RFC3: variants seen among roughly 807,000 people sequenced by gnomAD.
RFC3 encodes replication factor C subunit 3.
In RFC3, 41 loss-of-function variants were observed where a neutral mutation model predicts 45.1. The observed-to-expected ratio is 0.91, with a 90% confidence interval of 0.71 to 1.18. RFC3 has a LOEUF of 1.18. Among genes scored for constraint, RFC3 ranks in the 50% most tolerant of loss-of-function variants. The probability of loss-of-function intolerance (pLI) is 0.00; values close to 1 mark genes in which losing one functional copy is unlikely to be tolerated. For missense variants in RFC3, 423 were observed against 428.1 expected, an observed-to-expected ratio of 0.99 and a Z score of 0.10; for synonymous variants, 149 against 144.0, an observed-to-expected ratio of 1.03 and a Z score of -0.25.
At chr13:33,898,425 A>G (rs2082615627) in intron 8 of RFC3, among the ~76,000 whole-genome samples, 1 of 152,024 alleles carries the variant, frequency 6.6e-6, no homozygotes, top group African/African-American at 2.4e-5. Context: ...CAATAAAGAA[A>G]TTAAGAAGGA....
At chr13:33,831,467 G>A (rs2082103448) in intron 7 of RFC3, 113 bp downstream of exon 7, 3 of 594,858 alleles carry the variant, frequency 5.0e-6, no homozygotes, top group African/African-American at 4.1e-5. Context: ...CTGAATCTAT[G>A]TATTAACTTT....
intron 8 of RFC3, among the ~76,000 whole-genome samples, chr13:33,869,898 G>A (rs1254337834): frequency 6.6e-6 from 1 of 152,188 alleles, no homozygotes; most frequent in African/African-American, 2.4e-5. Context: ...TGAGCAAGTT[G>A]AGCAAGATGG....
chr13:33,939,067 A>G (rs1326248447), intron 8 of RFC3, among the ~76,000 whole-genome samples: 3 of 152,128 alleles, frequency 2.0e-5, no homozygotes, highest in Non-Finnish European at 4.4e-5. Context: ...GATCCTCAAC[A>G]TGAAGGGCAT....
At chr13:33,834,474 C>T (rs2082135168) in intron 7 of RFC3, among the ~76,000 whole-genome samples, 1 of 150,058 alleles carries the variant, frequency 6.7e-6, no homozygotes. Context: ...TGAGAAGGGC[C>T]TAGAATGAAG....
intron 8 of RFC3, among the ~76,000 whole-genome samples, chr13:33,886,824 C>A (rs927783541): frequency 7.0e-6 from 1 of 142,232 alleles, no homozygotes; most frequent in African/African-American, 2.6e-5. Context: ...GTGATGTTCC[C>A]CTTCCTGTGT....
chr13:33,824,531 G>A (rs1252061264), intron 3 of RFC3, among the ~76,000 whole-genome samples: 1 of 152,116 alleles, frequency 6.6e-6, no homozygotes, highest in East Asian at 1.9e-4. Flanking sequence ...GTGTAGAAAT[G>A]ATTCTGGGAG....
intron 8 of RFC3, among the ~76,000 whole-genome samples, chr13:33,929,935 A>C (rs754107694): frequency 3.9e-5 from 6 of 152,132 alleles, no homozygotes; most frequent in Non-Finnish European, 7.4e-5. Flanking sequence ...AGCATTTTAA[A>C]GTTCTTAATG....
In RFC3 at chr13:33,925,594, A is replaced by G. The variant is rs139163520; in HGVS notation, c.880-40493A>G. On this transcript the variant is annotated intron_variant, in intron 8 of 8. Transcript: ENST00000434425. ...TATATACATACATATATAGTGTACT[A>G]TATACATACATATATAGTGTACTAT... Among the ~76,000 whole-genome samples the G allele has an allele frequency of 2.2e-3, 336 of 150,544 alleles. 20 individuals carry two copies. In the East Asian group the frequency reaches 0.059, roughly 26 times the overall value.
rs150692677 is a variant in RFC3, at chr13:33,864,512, C to T, written c.879+29295C>T. 5.9e-5 allele frequency among the ~76,000 whole-genome samples: 9 copies of T among 152,100 alleles called. No homozygotes were observed. The East Asian group carries it at 1.7e-3, about 29-fold the overall frequency. On this transcript the variant is annotated intron_variant, in intron 8 of 8. Coordinates refer to the RFC3 transcript ENST00000434425. ...GAATTGGAAGATGGAATAGCATGAA[C>T]AGTGATGCTGAAGTGAGCTCATGAA... is the stretch of plus-strand genomic sequence containing the variant.
intron 8 of RFC3, among the ~76,000 whole-genome samples, chr13:33,867,863 T>G (rs2082383786): frequency 6.6e-6 from 1 of 152,234 alleles, no homozygotes; most frequent in South Asian, 2.1e-4. Flanking sequence ...CATTGGTATA[T>G]TTTGACTAAT....
At chr13:33,859,897 A>C (rs1281273333) in intron 8 of RFC3, among the ~76,000 whole-genome samples, 3 of 152,178 alleles carry the variant, frequency 2.0e-5, no homozygotes. Flanking sequence ...AACCACCAAT[A>C]TGAATATGAC....
chr13:33,820,015 T>C (rs1272519952), intron 1 of RFC3, among the ~76,000 whole-genome samples: 29 of 152,202 alleles, frequency 1.9e-4, no homozygotes, highest in Admixed American at 1.9e-3. Context: ...AGTATTAAAA[T>C]TCATTGCAAT....
chr13:33,857,154 A>G (rs1275662437), intron 8 of RFC3, among the ~76,000 whole-genome samples: 1 of 152,242 alleles, frequency 6.6e-6, no homozygotes, highest in East Asian at 1.9e-4. Flanking sequence ...GAATTTAATA[A>G]TAGCAAGGAA....
chr13:33,854,201 A>G (rs2082294842), intron 8 of RFC3, among the ~76,000 whole-genome samples: 1 of 152,202 alleles, frequency 6.6e-6, no homozygotes, highest in Admixed American at 6.6e-5. Flanking sequence ...AACGGTGAAC[A>G]GAGAGCTTGT....
At chr13:33,970,737 T>C (rs867469302), downstream of RFC3, among the ~76,000 whole-genome samples, 13 of 152,368 alleles carry the variant, frequency 8.5e-5, no homozygotes, top group Middle Eastern at 6.8e-3. Flanking sequence ...ACAGGACACA[T>C]ACCTCAGGGT....
At chr13:33,896,240 A>G (rs913893725) in intron 8 of RFC3, among the ~76,000 whole-genome samples, 2 of 151,756 alleles carry the variant, frequency 1.3e-5, no homozygotes, top group Non-Finnish European at 1.5e-5. Context: ...ATAAAAAGAA[A>G]GTATAAAATA....
chr13:33,949,776 T>G (rs2082977376), intron 8 of RFC3, among the ~76,000 whole-genome samples: 1 of 152,200 alleles, frequency 6.6e-6, no homozygotes, highest in African/African-American at 2.4e-5. Context: ...TCTTCCCTAA[T>G]GGGGTTGAGC....
chr13:33,957,249 T>G (rs967100986), intron 8 of RFC3, among the ~76,000 whole-genome samples: 2 of 152,234 alleles, frequency 1.3e-5, no homozygotes, highest in Admixed American at 6.5e-5. Flanking sequence ...TAGTAATTTA[T>G]TTGCGTCAAT....
At chr13:33,860,610 G>T (rs2082334984) in intron 8 of RFC3, among the ~76,000 whole-genome samples, 1 of 152,096 alleles carries the variant, frequency 6.6e-6, no homozygotes, top group Non-Finnish European at 1.5e-5. Flanking sequence ...CTCCGCATGT[G>T]TCCCAGGCAG....
Sources: allele counts gnomAD v4.1 joint callset (sites outside exome capture counted in the v4.1 genomes callset), GRCh38; gene constraint gnomAD v4.1.1; transcripts MANE v1.5; gene names NCBI Gene and HGNC (gene_info 2026-07-23, HGNC 2026-07-21).